UCMA: variants seen among roughly 807,000 people sequenced by gnomAD.
UCMA encodes upper zone of growth plate and cartilage matrix-associated protein.
A neutral mutation model predicts 21.8 loss-of-function variants in UCMA; 21 were observed. That is an observed-to-expected ratio of 0.97 (90% CI 0.68 to 1.39). The LOEUF (loss-of-function observed/expected upper bound fraction) is 1.39. Ranked by LOEUF, UCMA falls within the 40% of genes most tolerant of loss-of-function variation. UCMA has a pLI of 0.00. For synonymous variants in UCMA, 76 were observed against 67.9 expected, an observed-to-expected ratio of 1.12 and a Z score of -0.58; for missense variants, 193 against 178.9, an observed-to-expected ratio of 1.08 and a Z score of -0.45.
intron 3 of UCMA, 66 bp from the exon 4 acceptor site, chr10:13,229,775 G>T (rs767473230): frequency 5.9e-6 from 8 of 1,364,638 alleles, no homozygotes; most frequent in Middle Eastern, 1.8e-4. Flanking sequence ...ACACACTTAG[G>T]GGAGCACAGT....
chr10:13,229,095 C>G (rs970201628), intron 4 of UCMA, among the ~76,000 whole-genome samples: 1 of 151,982 alleles, frequency 6.6e-6, no homozygotes, highest in Admixed American at 6.6e-5. Context: ...GCCACCACAC[C>G]CAGCTAATTT....
intron 4 of UCMA, among the ~76,000 whole-genome samples, chr10:13,225,151 T>C (rs1834807986): frequency 6.6e-6 from 1 of 152,006 alleles, no homozygotes; most frequent in Non-Finnish European, 1.5e-5. Flanking sequence ...CCTCCTGGAC[T>C]CAAGTGATTC....
intron 4 of UCMA, among the ~76,000 whole-genome samples, chr10:13,223,362 A>G (rs1287866857): frequency 6.6e-6 from 1 of 152,202 alleles, no homozygotes; most frequent in Admixed American, 6.5e-5. Context: ...AAACAACCCC[A>G]GTGTCCCTCA....
At chr10:13,223,890 G>A (rs1834791206) in intron 4 of UCMA, among the ~76,000 whole-genome samples, 1 of 152,050 alleles carries the variant, frequency 6.6e-6, no homozygotes, top group African/African-American at 2.4e-5. Context: ...AAAAAAAGAG[G>A]TTGCCAGAGG....
At chr10:13,225,055 C>CTT (rs148249579) in intron 4 of UCMA, among the ~76,000 whole-genome samples, 15 of 151,852 alleles carry the variant, frequency 9.9e-5, no homozygotes, top group African/African-American at 3.6e-4. Flanking sequence ...TTCAGCATCC[C>CTT]TTTTTTTGTT....
At position 13,234,212 on chromosome 10, in the gene UCMA, A is replaced by G; in HGVS notation, c.47T>C (p.Val16Ala). 6.2e-7 allele frequency: 1 copy of G among 1,613,714 alleles called. No homozygotes were observed. The highest frequency in any genetic ancestry group is 1.1e-5 in the South Asian group (1 of 91,020). The change falls in exon 1 of 5, where the codon GTG (valine) becomes GCG (alanine). Residue 16 changes from valine (V) to alanine (A), a missense_variant. Val to Ala is a moderately conservative substitution (Grantham distance 64). Transcript: ENST00000378681. ...CCTCCTGTACTCACTAGACAGGAGCACCACGGCGGAGAAGCAAGACAGCAG... is the reference window on the plus strand; with the variant it reads ...CCTCCTGTACTCACTAGACAGGAGCGCCACGGCGGAGAAGCAAGACAGCAG... ...AVLLSCFSAV[V>A]LLSMLREGTS...
At chr10:13,229,959 A>G (rs1834877405) in intron 3 of UCMA, among the ~76,000 whole-genome samples, 1 of 152,262 alleles carries the variant, frequency 6.6e-6, no homozygotes, top group Non-Finnish European at 1.5e-5. Flanking sequence ...AAAGTGATTT[A>G]GCTCTGATTA....
rs1015600670 is a variant in UCMA, at chr10:13,221,848, G to A, written c.*255C>T. 4.1e-6 allele frequency: 2 copies of A among 488,768 alleles called. No individual in the cohort carries two copies. Among genetic ancestry groups the A allele is most frequent in the East Asian group, 3.5e-5 (1 of 28,690 alleles). 30.3% of individuals were successfully genotyped at this position (488,768 alleles called of 1,614,324 possible). On this transcript the variant is annotated 3_prime_UTR_variant, in exon 5 of 5. Coordinates refer to ENST00000378681, the MANE Select transcript of UCMA (RefSeq NM_145314.3). ...CTTTTGCTTGGGAACGAAGCCAGGG[G>A]AAGCCACTGTAGGTTTGGTACTAGG...
chr10:13,232,830 C>A (rs1344830525), intron 3 of UCMA, among the ~76,000 whole-genome samples: 1 of 152,028 alleles, frequency 6.6e-6, no homozygotes, highest in Non-Finnish European at 1.5e-5. Context: ...ACTCAAATGC[C>A]CTCAGGGGTT....
chr10:13,233,508 C>A, intron 3 of UCMA, 30 bp downstream of exon 3: 1 of 1,583,464 alleles, frequency 6.3e-7, no homozygotes. Flanking sequence ...TGGTGATGGA[C>A]GCGGGATGGG....
chr10:13,224,006 T>C (rs1834792583), intron 4 of UCMA, among the ~76,000 whole-genome samples: 1 of 152,152 alleles, frequency 6.6e-6, no homozygotes, highest in African/African-American at 2.4e-5. Context: ...GTGAATGTAG[T>C]AAATGCTGCT....
chr10:13,222,027 A>T lies in UCMA; in HGVS notation c.*76T>A. 6.5e-7 allele frequency: 1 copy of T among 1,534,052 alleles called. No individual in the cohort carries two copies. Among genetic ancestry groups the T allele is most frequent in the Non-Finnish European group, 9.0e-7 (1 of 1,110,608 alleles). On this transcript the variant is annotated 3_prime_UTR_variant, in exon 5 of 5. Coordinates refer to ENST00000378681, the MANE Select transcript of UCMA (RefSeq NM_145314.3). ...GAGACCCTCTGAAGGGCCGGTTTGC[A>T]TGGGAAAGATTGCTGGAACACGGGG...
In UCMA at chr10:13,233,640, C is replaced by T; in HGVS notation, c.125-7G>A. ...AAAATCTTCTGTTTTGCATCTGAAACCCGGGAGAGGCCTGTCACCAGCAGT... is the reference window on the plus strand; with the variant it reads ...AAAATCTTCTGTTTTGCATCTGAAATCCGGGAGAGGCCTGTCACCAGCAGT... On this transcript the variant is annotated splice_region_variant and splice_polypyrimidine_tract_variant and intron_variant, in intron 2 of 4. Coordinates refer to ENST00000378681, the MANE Select transcript of UCMA (RefSeq NM_145314.3). 6.2e-7 allele frequency: 1 copy of T among 1,614,054 alleles called. No homozygotes were observed. Among genetic ancestry groups the T allele is most frequent in the Non-Finnish European group, 8.5e-7 (1 of 1,179,990 alleles).
chr10:13,233,861 G>A, intron 1 of UCMA, 61 bp from the exon 2 acceptor site: 1 of 1,596,448 alleles, frequency 6.3e-7, no homozygotes, highest in Non-Finnish European at 8.6e-7. Context: ...ACCCTGAGCT[G>A]AGTCCCCATC....
intron 4 of UCMA, 98 bp downstream of exon 4, chr10:13,229,513 G>GA (rs112352250): frequency 0.12 from 105,558 of 881,548 alleles, 2 homozygotes; most frequent in East Asian, 0.18. Flanking sequence ...CTCAAAAAAA[G>GA]AAAAAAAAAA....
At chr10:13,228,286 T>C (rs1444786974) in intron 4 of UCMA, among the ~76,000 whole-genome samples, 6 of 152,088 alleles carry the variant, frequency 3.9e-5, no homozygotes, top group Non-Finnish European at 4.4e-5. Flanking sequence ...AGTCTCAAAC[T>C]CCTGACCTCA....
intron 4 of UCMA, among the ~76,000 whole-genome samples, chr10:13,226,721 C>G (rs75313861): frequency 0.1 from 15,357 of 152,182 alleles, 1,028 homozygotes; most frequent in East Asian, 0.26. Flanking sequence ...CCTGGCAGAG[C>G]AAGGGCTCAA....
intron 4 of UCMA, among the ~76,000 whole-genome samples, chr10:13,226,804 C>A (rs1834828652): frequency 6.6e-6 from 1 of 152,188 alleles, no homozygotes; most frequent in South Asian, 2.1e-4. Flanking sequence ...GACCTAGGGT[C>A]TCCTGTCTTC....
At chr10:13,224,428 G>A (rs10906324) in intron 4 of UCMA, among the ~76,000 whole-genome samples, 65,078 of 151,094 alleles carry the variant, frequency 0.43, 14,325 homozygotes, top group African/African-American at 0.52. Flanking sequence ...AAAGGAAAAG[G>A]AAGAAAGAAA....
Sources: allele counts gnomAD v4.1 joint callset (sites outside exome capture counted in the v4.1 genomes callset), GRCh38; gene constraint gnomAD v4.1.1; transcripts MANE v1.5; gene names NCBI Gene and HGNC (gene_info 2026-07-23, HGNC 2026-07-21).